Variants in KLHL29 observed in about 807,000 individuals in gnomAD.
KLHL29 encodes the protein kelch-like protein 29.
In KLHL29, 21 loss-of-function variants were observed where a neutral mutation model predicts 80.4. The ratio of observed to expected loss-of-function variants is 0.26; its 90% CI spans 0.19 to 0.38. KLHL29 has a LOEUF of 0.38. Among genes scored for constraint, KLHL29 ranks in the 10% least tolerant of loss-of-function variants. The pLI, the probability that KLHL29 is intolerant of heterozygous loss-of-function variation, is 1.00. For synonymous variants in KLHL29, 511 were observed against 526.8 expected, an observed-to-expected ratio of 0.97 and a Z score of 0.41; for missense variants, 867 against 1,223.9, an observed-to-expected ratio of 0.71 and a Z score of 4.35.
chr2:23,704,140 A>G (rs1672567516), intron 13 of KLHL29, among the ~76,000 whole-genome samples: 1 of 152,216 alleles, frequency 6.6e-6, no homozygotes, highest in Non-Finnish European at 1.5e-5. Flanking sequence ...CCCTGCTCTC[A>G]GTGAGAGGTG....
At chr2:23,611,189 C>T (rs1668862747) in intron 3 of KLHL29, among the ~76,000 whole-genome samples, 1 of 152,122 alleles carries the variant, frequency 6.6e-6, no homozygotes, top group African/African-American at 2.4e-5. Flanking sequence ...AGCTGCTATT[C>T]GATTCGGGTC....
rs904936811 is a variant in KLHL29 at position 23,706,721 on chromosome 2, G to A, written c.*57G>A. On this transcript the variant is annotated 3_prime_UTR_variant, in exon 14 of 14. Transcript: ENST00000486442. ...ACAAGTCTGGTGAGGCAAGTGCCAC[G>A]CAATGATAATTTTCCAGCGACACCA... is the stretch of plus-strand genomic sequence containing the variant. 18 of 1,305,016 alleles carry A rather than the reference G, an allele frequency of 1.4e-5. No individual in the cohort carries two copies. Among genetic ancestry groups the A allele is most frequent in the East Asian group, 2.8e-5 (1 of 35,452 alleles). 80.8% of individuals were successfully genotyped at this position (1,305,016 alleles called of 1,614,324 possible). A position where few individuals can be genotyped will look rare whatever the true frequency, so the allele number is the denominator to read the frequency against.
intron 3 of KLHL29, among the ~76,000 whole-genome samples, chr2:23,631,457 A>G (rs1398417293): frequency 1.3e-5 from 2 of 152,206 alleles, no homozygotes; most frequent in Non-Finnish European, 2.9e-5. Context: ...GCGAGCCAGA[A>G]GTGTCTCAAT....
chr2:23,630,374 G>A (rs1484309980), intron 3 of KLHL29, among the ~76,000 whole-genome samples: 1 of 152,254 alleles, frequency 6.6e-6, no homozygotes, highest in African/African-American at 2.4e-5. Context: ...GGGAGGCTGG[G>A]GAGAGGTAGC....
intron 3 of KLHL29, among the ~76,000 whole-genome samples, chr2:23,565,117 T>C (rs570269414): frequency 6.6e-6 from 1 of 152,296 alleles, no homozygotes; most frequent in African/African-American, 2.4e-5. Context: ...TGGCATGTGG[T>C]ATTTCGAGTC....
intron 2 of KLHL29, among the ~76,000 whole-genome samples, chr2:23,538,199 C>G (rs1666728831): frequency 6.6e-6 from 1 of 152,124 alleles, no homozygotes; most frequent in African/African-American, 2.4e-5. Context: ...TTCCTTTGGC[C>G]ACAGAAATAG....
intron 3 of KLHL29, among the ~76,000 whole-genome samples, chr2:23,592,368 A>G (rs1350442466): frequency 2.6e-5 from 4 of 152,254 alleles, no homozygotes; most frequent in African/African-American, 4.8e-5. Flanking sequence ...GGAGTCCTAG[A>G]GGCTGAGCCC....
Position 23,639,124 on chromosome 2 carries a change from A to C in KLHL29, c.286-15A>C. ...CTGGCCAGGCTATGCTCACCTCCTC[A>C]TCTGCTTCCCACAGGCTCCCGGCAT... On this transcript the variant is annotated splice_polypyrimidine_tract_variant and intron_variant, in intron 3 of 13. Coordinates refer to ENST00000486442, the MANE Select transcript of KLHL29 (RefSeq NM_052920.2). 1 of 1,523,828 alleles carries C rather than the reference A, an allele frequency of 6.6e-7. No homozygotes were observed. The highest frequency in any genetic ancestry group is 8.8e-7 in the Non-Finnish European group (1 of 1,136,434). 94.4% of individuals were successfully genotyped at this position (1,523,828 alleles called of 1,614,324 possible).
At chr2:23,508,022 C>G (rs1665653776) in intron 2 of KLHL29, among the ~76,000 whole-genome samples, 1 of 152,192 alleles carries the variant, frequency 6.6e-6, no homozygotes. Context: ...AGGGACGGCT[C>G]CTGGTTCACG....
rs1558432927 is a variant in KLHL29, at chr2:23,670,970, CT to C, written c.941-13428del. Among the ~76,000 whole-genome samples, 138 of 24,392 alleles carry C rather than the reference CT, an allele frequency of 5.7e-3. 18 individuals are homozygous for C. Among genetic ancestry groups the C allele is most frequent in the Non-Finnish European group, 0.01 (97 of 9,318 alleles). 16.0% of individuals were successfully genotyped at this position (24,392 alleles called of 152,430 possible). On this transcript the variant is annotated intron_variant, in intron 5 of 13. Transcript: ENST00000486442. Reference sequence around the variant, plus strand: ...TCTCTCTCTCTCTCTCTCTCTCTCTCTCTCTCTCTCCCTCCCTCCCTCCCTC... The same window carrying C: ...TCTCTCTCTCTCTCTCTCTCTCTCTCCTCTCTCTCCCTCCCTCCCTCCCTC...
chr2:23,583,945 A>C (rs901797273), intron 3 of KLHL29, among the ~76,000 whole-genome samples: 1 of 152,156 alleles, frequency 6.6e-6, no homozygotes, highest in Non-Finnish European at 1.5e-5. Context: ...ATGGACTCGG[A>C]CACTCCTTCC....
chr2:23,388,980 T>TTTCTTTC (rs1553317243), intron 1 of KLHL29, among the ~76,000 whole-genome samples: 2 of 136,094 alleles, frequency 1.5e-5, no homozygotes, highest in African/African-American at 5.8e-5. Flanking sequence ...TTTTTCTTTC[T>TTTCTTTC]TTCTTCTTCT....
intron 1 of KLHL29, among the ~76,000 whole-genome samples, chr2:23,436,605 T>C (rs1321476144): frequency 3.3e-5 from 5 of 152,018 alleles, no homozygotes; most frequent in Non-Finnish European, 5.9e-5. Context: ...AAGCCACAGG[T>C]GCGCATTCAG....
intron 2 of KLHL29, among the ~76,000 whole-genome samples, chr2:23,481,467 T>C (rs533840064): frequency 3.9e-5 from 6 of 152,254 alleles, no homozygotes; most frequent in Non-Finnish European, 7.3e-5. Flanking sequence ...GGCTGGGATC[T>C]GGGCACAGCT....
At chr2:23,666,883 T>C (rs1368807598) in intron 5 of KLHL29, among the ~76,000 whole-genome samples, 4 of 152,216 alleles carry the variant, frequency 2.6e-5, no homozygotes, top group Non-Finnish European at 5.9e-5. Context: ...GCCAGGGCCC[T>C]TCTCTCTGTG....
chr2:23,593,631 G>A (rs1034041061), intron 3 of KLHL29, among the ~76,000 whole-genome samples: 13 of 152,280 alleles, frequency 8.5e-5, no homozygotes, highest in Middle Eastern at 6.8e-3. Context: ...CAGACCCCTC[G>A]GGGAACGTGG....
intron 2 of KLHL29, among the ~76,000 whole-genome samples, chr2:23,508,659 C>T (rs1035400998): frequency 2.6e-5 from 4 of 152,326 alleles, no homozygotes; most frequent in Admixed American, 6.5e-5. Context: ...GCGGGATCCC[C>T]GCATCTTGCA....
At chr2:23,702,617 C>G (rs1006791044) in intron 11 of KLHL29, among the ~76,000 whole-genome samples, 7 of 152,190 alleles carry the variant, frequency 4.6e-5, no homozygotes, top group Non-Finnish European at 8.8e-5. Context: ...TGGGTATCAG[C>G]GCCTCCAGAA....
chr2:23,582,063 GGAGC>G (rs1380291923), intron 3 of KLHL29, among the ~76,000 whole-genome samples: 1 of 152,144 alleles, frequency 6.6e-6, no homozygotes, highest in Non-Finnish European at 1.5e-5. Context: ...CCAGGGTCTA[GGAGC>G]AAAGGCAGTG....
Sources: gnomAD v4.1 joint callset for allele counts (sites outside exome capture counted in the v4.1 genomes callset) on GRCh38, gnomAD v4.1.1 for gene constraint, MANE v1.5 for transcripts, NCBI Gene and HGNC (gene_info 2026-07-23, HGNC 2026-07-21) for gene names.